GLRA1: variants seen among roughly 807,000 people sequenced by gnomAD.
GLRA1 encodes glycine receptor subunit alpha-1.
Under a neutral mutation model 48.3 loss-of-function variants are expected in GLRA1, and 37 were observed. That is an observed-to-expected ratio of 0.77 (90% CI 0.59 to 1.01). The LOEUF (loss-of-function observed/expected upper bound fraction) is 1.01, where lower values mean the gene tolerates loss of function less well. Among genes scored for constraint, GLRA1 ranks in the 50% least tolerant of loss-of-function variants. The pLI, the probability that GLRA1 is intolerant of heterozygous loss-of-function variation, is 0.00. For missense variants in GLRA1, 427 were observed against 571.0 expected (o/e 0.75, Z 2.57); for synonymous variants, 196 against 210.7 (o/e 0.93, Z 0.60).
At chr5:151,841,918 G>C (rs139165842) in intron 7 of GLRA1, among the ~76,000 whole-genome samples, 1 of 151,986 alleles carries the variant, frequency 6.6e-6, no homozygotes, top group African/African-American at 2.4e-5. Context: ...TTAGCTGAGC[G>C]TGGTGGCGTG....
chr5:151,827,029 G>GTTTTTTTTTTTTTTTTTTTTTTTTTTT (rs199505206), intron 8 of GLRA1, among the ~76,000 whole-genome samples: 2 of 126,804 alleles, frequency 1.6e-5, no homozygotes, highest in African/African-American at 2.9e-5. Flanking sequence ...CTTTCTTTCT[G>GTTTTTTTTTTTTTTTTTTTTTTTTTTT]TTTTTTTTTT....
intron 1 of GLRA1, among the ~76,000 whole-genome samples, chr5:151,896,667 C>T (rs1388317335): frequency 6.6e-6 from 1 of 152,188 alleles, no homozygotes; most frequent in African/African-American, 2.4e-5. Flanking sequence ...CAGCTGTTTC[C>T]TGATATCACT....
Position 151,924,632 on chromosome 5 carries a change from T to A in GLRA1, c.-83A>T. Reference sequence around the variant, plus strand: ...TGGCACTTACAAAACCAGAAAGCGCTATTGCAAAAAATAATCCAGATGTTA... The same window carrying A: ...TGGCACTTACAAAACCAGAAAGCGCAATTGCAAAAAATAATCCAGATGTTA... On this transcript the variant is annotated 5_prime_UTR_variant, in exon 1 of 9. Transcript: ENST00000274576. The A allele has an allele frequency of 1.5e-5, 13 of 866,218 alleles. No homozygotes were observed. The highest frequency in any genetic ancestry group is 1.4e-4 in the South Asian group (11 of 76,224). 53.7% of individuals were successfully genotyped at this position (866,218 alleles called of 1,614,324 possible).
chr5:151,901,264 G>A (rs1292856025), intron 1 of GLRA1, among the ~76,000 whole-genome samples: 4 of 152,140 alleles, frequency 2.6e-5, no homozygotes, highest in Non-Finnish European at 5.9e-5. Context: ...CTAACTGTGT[G>A]TATATGTCTC....
intron 7 of GLRA1, among the ~76,000 whole-genome samples, chr5:151,830,644 T>G (rs10476777): frequency 0.025 from 3,853 of 152,320 alleles, 65 homozygotes; most frequent in South Asian, 0.073. Context: ...AGACTTATAG[T>G]TTCCAGGCAT....
chr5:151,845,000 C>T (rs1752633069), intron 7 of GLRA1, among the ~76,000 whole-genome samples: 1 of 151,908 alleles, frequency 6.6e-6, no homozygotes, highest in Non-Finnish European at 1.5e-5. Flanking sequence ...ACGCCAGGTT[C>T]TTTTTAAAAA....
chr5:151,850,162 G>T (rs930446765), intron 7 of GLRA1: 18 of 1,603,612 alleles, frequency 1.1e-5, no homozygotes, highest in African/African-American at 1.1e-4. Context: ...CCATATTACT[G>T]CAGTGTGGGA....
chr5:151,894,523 C>A (rs185939161), intron 1 of GLRA1, among the ~76,000 whole-genome samples: 1 of 152,140 alleles, frequency 6.6e-6, no homozygotes, highest in Non-Finnish European at 1.5e-5. Context: ...CGCCTCAGAG[C>A]CATCTTGTCT....
chr5:151,908,086 A>T (rs540816323), intron 1 of GLRA1, among the ~76,000 whole-genome samples: 1 of 152,306 alleles, frequency 6.6e-6, no homozygotes, highest in African/African-American at 2.4e-5. Context: ...CTCTCTCAGC[A>T]GCCTTCCTTC....
intron 3 of GLRA1, among the ~76,000 whole-genome samples, chr5:151,873,481 A>G (rs2913882): frequency 0.59 from 83,853 of 143,190 alleles, 25,195 homozygotes; most frequent in East Asian, 0.69. Context: ...CCAATATGGT[A>G]AAACCCCATC....
At chr5:151,852,226 C>A (rs1752930765) in intron 6 of GLRA1, among the ~76,000 whole-genome samples, 1 of 152,170 alleles carries the variant, frequency 6.6e-6, no homozygotes. Flanking sequence ...ATGCCCTGAA[C>A]TTTCATGTTT....
chr5:151,905,465 A>G (rs1323742667), intron 1 of GLRA1, among the ~76,000 whole-genome samples: 1 of 151,978 alleles, frequency 6.6e-6, no homozygotes, highest in Non-Finnish European at 1.5e-5. Flanking sequence ...TAAAATTAGT[A>G]TTTATTTTGC....
At chr5:151,879,612 A>G (rs1753712385) in intron 3 of GLRA1, among the ~76,000 whole-genome samples, 1 of 152,110 alleles carries the variant, frequency 6.6e-6, no homozygotes, top group Non-Finnish European at 1.5e-5. Context: ...CGGCCTCCCA[A>G]AGTGTTGGGA....
chr5:151,896,644 A>G (rs1754233500), intron 1 of GLRA1, among the ~76,000 whole-genome samples: 2 of 152,284 alleles, frequency 1.3e-5, no homozygotes, highest in East Asian at 1.9e-4. Context: ...AGCCTCTCCC[A>G]TATGTTATTT....
chr5:151,850,590 C>A, intron 7 of GLRA1: 4 of 1,462,604 alleles, frequency 2.7e-6, no homozygotes, highest in Non-Finnish European at 3.8e-6. Flanking sequence ...TTCCATGAAA[C>A]CTCCAACATC....
intron 7 of GLRA1, among the ~76,000 whole-genome samples, chr5:151,848,557 G>A (rs559597182): frequency 1.3e-5 from 2 of 152,182 alleles, no homozygotes; most frequent in African/African-American, 2.4e-5. Flanking sequence ...TCTGTCTTTT[G>A]GGGCAGAAAC....
chr5:151,849,176 T>TTCC (rs1752793414), intron 7 of GLRA1: 1 of 162,548 alleles, frequency 6.2e-6, no homozygotes, highest in African/African-American at 3.1e-5. Context: ...TCTTTCTTTC[T>TTCC]TTCTTTCTTT....
At chr5:151,850,695 G>A in intron 7 of GLRA1, 2 of 1,188,644 alleles carry the variant, frequency 1.7e-6, no homozygotes, top group Non-Finnish European at 2.5e-6. Context: ...GAAGACTGTT[G>A]CCCCTCTGCC....
At chr5:151,855,985 G>C (rs546292251) in intron 5 of GLRA1, among the ~76,000 whole-genome samples, 3 of 152,284 alleles carry the variant, frequency 2.0e-5, no homozygotes, top group African/African-American at 7.2e-5. Context: ...TCCCCTGCTG[G>C]AGTGAACATC....
Sources: allele counts gnomAD v4.1 joint callset (sites outside exome capture counted in the v4.1 genomes callset), GRCh38; gene constraint gnomAD v4.1.1; transcripts MANE v1.5; gene names NCBI Gene and HGNC (gene_info 2026-07-23, HGNC 2026-07-21).